Variants in NEK7 observed in about 807,000 individuals in gnomAD.
NEK7 encodes serine/threonine-protein kinase Nek7.
A neutral mutation model predicts 44.6 loss-of-function variants in NEK7; 18 were observed. That is an observed-to-expected ratio of 0.40 (90% CI 0.28 to 0.60). NEK7 has a LOEUF of 0.60. Among genes scored for constraint, NEK7 ranks in the 20% least tolerant of loss-of-function variants. The pLI, the probability that NEK7 is intolerant of heterozygous loss-of-function variation, is 0.38. For missense variants in NEK7, 256 were observed against 366.5 expected (o/e 0.70, Z 2.46); for synonymous variants, 130 against 121.1 (o/e 1.07, Z -0.48).
rs975692780 is a variant in NEK7 at position 198,216,504 on chromosome 1, C to G, written c.-28-16049C>G. Among the ~76,000 whole-genome samples, 5 of 151,846 alleles carry G rather than the reference C, an allele frequency of 3.3e-5. No individual in the cohort carries two copies. The South Asian group carries it at 1.0e-3, about 32-fold the overall frequency. On this transcript the variant is annotated intron_variant, in intron 1 of 9. Transcript: ENST00000367385. Reference sequence around the variant, plus strand: ...TCTGAAAGATCACAAATTGGCAACCCAATGTCACACCTTCTTCTTAGAGAG... The same window carrying G: ...TCTGAAAGATCACAAATTGGCAACCGAATGTCACACCTTCTTCTTAGAGAG...
At chr1:198,305,548 A>G (rs1655000118) in intron 9 of NEK7, among the ~76,000 whole-genome samples, 1 of 152,174 alleles carries the variant, frequency 6.6e-6, no homozygotes, top group Admixed American at 6.5e-5. Context: ...GTAAGTTTGT[A>G]ATCCGGAGTA....
chr1:198,223,913 ATCTT>A (rs1666140776), intron 1 of NEK7, among the ~76,000 whole-genome samples: 2 of 152,188 alleles, frequency 1.3e-5, no homozygotes, highest in Admixed American at 6.5e-5. Context: ...CAATGTAAAA[ATCTT>A]GTAGAATAAA....
chr1:198,261,827 A>G (rs977808682), intron 3 of NEK7, among the ~76,000 whole-genome samples: 2 of 151,544 alleles, frequency 1.3e-5, no homozygotes, highest in East Asian at 3.8e-4. Context: ...TTTCTTCATT[A>G]TCCTCCCCCC....
intron 8 of NEK7, among the ~76,000 whole-genome samples, chr1:198,294,346 AAG>A (rs914461024): frequency 2.0e-5 from 3 of 152,064 alleles, no homozygotes; most frequent in African/African-American, 7.2e-5. Flanking sequence ...CAATCCTAAA[AAG>A]AACTGGATTG....
intron 1 of NEK7, among the ~76,000 whole-genome samples, chr1:198,178,828 A>G (rs1313169310): frequency 1.3e-5 from 2 of 152,016 alleles, no homozygotes; most frequent in African/African-American, 4.8e-5. Context: ...CTAATGGTAC[A>G]GTTAAAGAGT....
Position 198,290,353 on chromosome 1 carries a change from A to G in NEK7, c.590-2592A>G, listed in dbSNP as rs1370525057. On this transcript the variant is annotated intron_variant, in intron 7 of 9. Transcript: ENST00000367385. The stretch of plus-strand genomic sequence containing the variant: ...TAGACACAGCTGTCATGAATCTCTG[A>G]AAAAGGTTTTTGGAAATAATTATAT... 3.3e-5 allele frequency among the ~76,000 whole-genome samples: 5 copies of G among 152,216 alleles called. 1 individual carries two copies. Among genetic ancestry groups the G allele is most frequent in the East Asian group, 3.8e-4 (2 of 5,208 alleles).
intron 1 of NEK7, among the ~76,000 whole-genome samples, chr1:198,176,604 A>G (rs1350713506): frequency 6.6e-6 from 1 of 152,056 alleles, no homozygotes; most frequent in Non-Finnish European, 1.5e-5. Flanking sequence ...ATATATATAT[A>G]TAATGGGTAT....
intron 1 of NEK7, among the ~76,000 whole-genome samples, chr1:198,225,867 T>A (rs1490806179): frequency 6.6e-6 from 1 of 152,176 alleles, no homozygotes. Flanking sequence ...GAAGATTGGT[T>A]GCCAGATTTG....
chr1:198,271,932 C>CAT (rs1653863657), intron 5 of NEK7, among the ~76,000 whole-genome samples: 1 of 138,722 alleles, frequency 7.2e-6, no homozygotes, highest in Non-Finnish European at 1.6e-5. Flanking sequence ...TATACACACA[C>CAT]ACACACACAC....
At chr1:198,188,738 C>T (rs1351845095) in intron 1 of NEK7, among the ~76,000 whole-genome samples, 2 of 152,072 alleles carry the variant, frequency 1.3e-5, no homozygotes, top group Non-Finnish European at 2.9e-5. Context: ...AAATAATGTG[C>T]ATGAAATAGT....
At chr1:198,223,211 A>G (rs1314426968) in intron 1 of NEK7, among the ~76,000 whole-genome samples, 1 of 152,174 alleles carries the variant, frequency 6.6e-6, no homozygotes, top group African/African-American at 2.4e-5. Context: ...CACTTTGGAG[A>G]GAATGGTAGA....
In NEK7 at chr1:198,276,327, ATATGT is replaced by A. The variant is rs1481120421; in HGVS notation, c.373-1630_373-1626del. Among the ~76,000 whole-genome samples the A allele has an allele frequency of 4.0e-5, 6 of 151,780 alleles. No individual in the cohort carries two copies. In the East Asian group the frequency reaches 1.2e-3, roughly 29 times the overall value. On this transcript the variant is annotated intron_variant, in intron 5 of 9. Transcript: ENST00000367385. ...GTTTTCATGGTCTGATACACACATGATATGTTATATTTATTTTTGAATGAAAAGAA... is the reference window on the plus strand; with the variant it reads ...GTTTTCATGGTCTGATACACACATGATATATTTATTTTTGAATGAAAAGAA...
intron 1 of NEK7, among the ~76,000 whole-genome samples, chr1:198,230,047 G>GA (rs1666340483): frequency 6.6e-6 from 1 of 152,124 alleles, no homozygotes; most frequent in African/African-American, 2.4e-5. Context: ...CGAAACTTAA[G>GA]AAACTTTTAC....
chr1:198,226,039 C>G (rs1292678201), intron 1 of NEK7, among the ~76,000 whole-genome samples: 4 of 152,064 alleles, frequency 2.6e-5, no homozygotes, highest in African/African-American at 9.7e-5. Context: ...GGTGATACAG[C>G]TGTGGATGAC....
At chr1:198,165,221 A>G (rs934267968) in intron 1 of NEK7, among the ~76,000 whole-genome samples, 2 of 152,176 alleles carry the variant, frequency 1.3e-5, no homozygotes, top group Non-Finnish European at 2.9e-5. Flanking sequence ...CCAAACTCCT[A>G]TTGACATTGA....
chr1:198,163,040 A>G (rs1044982680), intron 1 of NEK7, among the ~76,000 whole-genome samples: 5 of 152,188 alleles, frequency 3.3e-5, no homozygotes, highest in Admixed American at 1.3e-4. Flanking sequence ...GTGAATTACT[A>G]TACATTTTAT....
chr1:198,232,477 C>A (rs537555716), intron 1 of NEK7, 76 bp from the exon 2 acceptor site: 114 of 672,770 alleles, frequency 1.7e-4, no homozygotes, highest in African/African-American at 1.7e-3. Context: ...CATTTGAATG[C>A]ATGTGTCGGT....
At chr1:198,279,198 T>G in intron 7 of NEK7, 137 bp downstream of exon 7, 1 of 488,936 alleles carries the variant, frequency 2.0e-6, no homozygotes, top group Non-Finnish European at 3.5e-6. Flanking sequence ...AACAGATGCC[T>G]GCAACTCTCT....
At chr1:198,161,007 G>T (rs1030651462) in intron 1 of NEK7, among the ~76,000 whole-genome samples, 2 of 152,140 alleles carry the variant, frequency 1.3e-5, no homozygotes, top group Non-Finnish European at 2.9e-5. Context: ...TTTTGAGCAG[G>T]ATAACTTCTT....
Sources: allele counts gnomAD v4.1 joint callset (sites outside exome capture counted in the v4.1 genomes callset), GRCh38; gene constraint gnomAD v4.1.1; transcripts MANE v1.5; gene names NCBI Gene and HGNC (gene_info 2026-07-23, HGNC 2026-07-21).